The following PRICKLE3 variants were observed in gnomAD, a reference collection of about 807,000 sequenced individuals.
The protein encoded by PRICKLE3 is LIM domain only protein 6.
PRICKLE3 carries 17 observed loss-of-function variants against 33.8 expected under a neutral mutation model. The observed-to-expected ratio is 0.50, with a 90% CI of 0.34 to 0.75. The LOEUF is 0.75. PRICKLE3 is among the 30% of genes least tolerant of loss of function. The pLI is 0.01. For synonymous variants in PRICKLE3, 211 were observed against 219.6 expected, an observed-to-expected ratio of 0.96 and a Z score of 0.34; for missense variants, 573 against 576.7, an observed-to-expected ratio of 0.99 and a Z score of 0.07.
chrX:49,176,908 G>T lies in PRICKLE3; in HGVS notation c.1250C>A (p.Ala417Glu). 8.4e-7 allele frequency: 1 copy of T among 1,193,485 alleles called. No individual in the cohort carries two copies. Among genetic ancestry groups the T allele is most frequent in the Non-Finnish European group, 1.1e-6 (1 of 886,912 alleles). Residue 417 changes from alanine to glutamate, a missense_variant, in exon 8 of 9, where the codon GCG becomes GAG. Physicochemically the swap from Ala to Glu is moderately radical, Grantham distance 107 (BLOSUM62 -1). Transcript: ENST00000599218. ...TGGCTAGAGGGTTAGCTCACCTGGC[G>T]CTAACTCTGTGCTGGTGCCTTTGGT... Reference protein sequence around the residue: ...TTTKGTSTELAPATGPEEPSR... With the variant: ...TTTKGTSTELEPATGPEEPSR...
Position 49,176,058 on chromosome X carries a change from C to T in PRICKLE3, c.1463G>A (p.Arg488Gln), listed in dbSNP as rs1557099914. 3.3e-6 allele frequency: 4 copies of T among 1,206,197 alleles called. No homozygotes were observed. Among genetic ancestry groups the T allele is most frequent in the Admixed American group, 2.2e-5 (1 of 45,449 alleles). The change falls in exon 9 of 9, where the codon CGG (arginine) becomes CAG (glutamine). Residue 488 changes from arginine (R) to glutamine (Q), a missense_variant. Transcript: ENST00000599218. ...DPLVSEGGPRRTLSAPPAQRR... is the reference protein window; with the variant it reads ...DPLVSEGGPRQTLSAPPAQRR... ...CTGGGCCGGGGGTGCACTCAGGGTC[C>T]GGCGCGGGCCTCCTTCAGACACCAG...
intron 3 of PRICKLE3, among the ~76,000 whole-genome samples, chrX:49,183,418 G>T (rs2065466956): frequency 9.0e-6 from 1 of 111,593 alleles, no homozygotes; most frequent in Non-Finnish European, 1.9e-5. Flanking sequence ...AAATAGCCAG[G>T]CAGGGTGGCA....
chrX:49,175,372 T>G lies in PRICKLE3; in HGVS notation c.*301A>C, dbSNP rs2065408989. On this transcript the variant is annotated 3_prime_UTR_variant, in exon 9 of 9. Transcript: ENST00000599218. Reference sequence around the variant, plus strand: ...CCATCTCTACCAAAAAATTAAAAAATTAGCTGGGAACGCTGACACGAGCCT... The same window carrying G: ...CCATCTCTACCAAAAAATTAAAAAAGTAGCTGGGAACGCTGACACGAGCCT... 3.7e-6 allele frequency: 1 copy of G among 273,096 alleles called. No homozygotes were observed. The highest frequency in any genetic ancestry group is 6.4e-6 in the Non-Finnish European group (1 of 156,179). The allele number at this position is 273,096 out of a possible 1,213,427, so 22.5% of individuals were successfully genotyped here.
chrX:49,175,810 G>T lies in PRICKLE3; in HGVS notation c.1711C>A (p.Pro571Thr). Residue 571 changes from proline (P) to threonine (T), a missense_variant, in exon 9 of 9, where the codon CCC becomes ACC. Transcript: ENST00000599218. ...GGCATGGGCCTGCACAAATGCGGGG[G>T]CAGAGGGATGCGCTCTCCTAGGAAG... The part of the protein sequence containing the change: ...GFFLGERIPL[P>T]PHLCRPMPAQ... The T allele has an allele frequency of 2.5e-6, 3 of 1,212,132 alleles. No homozygotes were observed. The highest frequency in any genetic ancestry group is 3.4e-6 in the Non-Finnish European group (3 of 895,482).
At position 49,177,198 on chromosome X, in the gene PRICKLE3, C is replaced by T; in HGVS notation, c.960G>A (p.Leu320=). The change falls in exon 8 of 9, where the codon CTG becomes CTA. Residue 320 remains leucine (L), a synonymous_variant. Coordinates refer to ENST00000599218, the MANE Select transcript of PRICKLE3 (RefSeq NM_006150.5). ...YCDGCGEHIG[L]DQGQMAYEGQ... is the part of the protein sequence containing the mutation. ...CCTCGTAAGCCATCTGGCCTTGGTCCAGGCCTGTGGGGAACGACGAGGGGG... is the reference window on the plus strand; with the variant it reads ...CCTCGTAAGCCATCTGGCCTTGGTCTAGGCCTGTGGGGAACGACGAGGGGG... The T allele has an allele frequency of 8.6e-7, 1 of 1,163,741 alleles. No homozygotes were observed. The highest frequency in any genetic ancestry group is 2.0e-5 in the South Asian group (1 of 50,998).
At position 49,177,023 on chromosome X, in the gene PRICKLE3, G is replaced by C; in HGVS notation, c.1135C>G (p.Arg379Gly). 8.3e-7 allele frequency: 1 copy of C among 1,209,775 alleles called. No individual in the cohort carries two copies. The highest frequency in any genetic ancestry group is 1.1e-6 in the Non-Finnish European group (1 of 894,373). Residue 379 changes from arginine to glycine, a missense_variant, in exon 8 of 9, where the codon CGC becomes GGC. Physicochemically the swap from Arg to Gly is moderately radical, Grantham distance 125 (BLOSUM62 -2). Coordinates refer to ENST00000599218, the MANE Select transcript of PRICKLE3 (RefSeq NM_006150.5). ...ACAGGGCCGGCACTCCAGCTGCGGC[G>C]GCTCGGCCCTGGAGCTGTGGGCTCG... ...GSEPTAPGPS[R>G]RSWSAGPVTA...
At chrX:49,182,741 T>A (rs1557101337) in intron 3 of PRICKLE3, among the ~76,000 whole-genome samples, 1 of 111,866 alleles carries the variant, frequency 8.9e-6, no homozygotes, top group East Asian at 2.8e-4. Flanking sequence ...TTTAATTCCA[T>A]AGCCCTTACA....
Position 49,178,002 on chromosome X carries a change from C to T in PRICKLE3, c.946G>A (p.Glu316Lys). The T allele has an allele frequency of 8.7e-7, 1 of 1,145,961 alleles. No individual in the cohort carries two copies. Among genetic ancestry groups the T allele is most frequent in the Non-Finnish European group, 1.2e-6 (1 of 863,188 alleles). 94.4% of individuals were successfully genotyped at this position (1,145,961 alleles called of 1,213,427 possible). ...CACAGCATTCACCCACCGATGTGCTCCCCACAGCCATCACAGTACTCCGCG... is the reference window on the plus strand; with the variant it reads ...CACAGCATTCACCCACCGATGTGCTTCCCACAGCCATCACAGTACTCCGCG... ...RHAEYCDGCG[E>K]HIGLDQGQMA... is the part of the protein sequence containing the mutation. The change falls in exon 7 of 9, where the codon GAG (glutamate) becomes AAG (lysine). Residue 316 changes from glutamate (E) to lysine (K), a missense_variant. By Grantham distance (56) the Glu-to-Lys change is moderately conservative. Coordinates refer to ENST00000599218, the MANE Select transcript of PRICKLE3 (RefSeq NM_006150.5).
Position 49,179,240 on chromosome X carries a change from C to T in PRICKLE3, c.564+11G>A, listed in dbSNP as rs782091668. On this transcript the variant is annotated intron_variant, in intron 5 of 8. Coordinates refer to ENST00000599218, the MANE Select transcript of PRICKLE3 (RefSeq NM_006150.5). ...GGCACTGCTCACTCGCTGAGGCCCT[C>T]CACGGCTCACCTCCTCACAGATGGC... The T allele has an allele frequency of 8.3e-7, 1 of 1,209,256 alleles. No homozygotes were observed. Among genetic ancestry groups the T allele is most frequent in the East Asian group, 3.0e-5 (1 of 33,781 alleles).
At position 49,175,522 on chromosome X, in the gene PRICKLE3, AAAACAG is replaced by A; in HGVS notation, c.*145_*150del. The A allele has an allele frequency of 1.8e-6, 1 of 560,947 alleles. No homozygotes were observed. Among genetic ancestry groups the A allele is most frequent in the Non-Finnish European group, 2.8e-6 (1 of 361,636 alleles). 46.2% of individuals were successfully genotyped at this position (560,947 alleles called of 1,213,427 possible). On this transcript the variant is annotated 3_prime_UTR_variant, in exon 9 of 9. Coordinates refer to ENST00000599218, the MANE Select transcript of PRICKLE3 (RefSeq NM_006150.5). ...GGGCAATAGGGTAGACCAAGTCTCTAAAACAGAAACAAAAATAGAAACAAACTGATA... is the reference window on the plus strand; with the variant it reads ...GGGCAATAGGGTAGACCAAGTCTCTAAAACAAAAATAGAAACAAACTGATA...
At chrX:49,176,371 A>G in intron 8 of PRICKLE3, 106 bp from the exon 9 acceptor site, 1 of 592,012 alleles carries the variant, frequency 1.7e-6, no homozygotes, top group East Asian at 3.8e-5. Context: ...AGACTGGGAA[A>G]GTGGGGGCAG....
chrX:49,179,315 TCCCGCTTC>T lies in PRICKLE3; in HGVS notation c.492_499del (p.Lys165GlufsTer20). ...GCGCACGATGCCACGCCCCAGATTCTCCCGCTTCCGCTGCTGGCTAAAGGCTCGGAGCT... is the reference window on the plus strand; with the variant it reads ...GCGCACGATGCCACGCCCCAGATTCTCGCTGCTGGCTAAAGGCTCGGAGCT... On this transcript the variant is annotated frameshift_variant, in exon 5 of 9. Coordinates refer to ENST00000599218, the MANE Select transcript of PRICKLE3 (RefSeq NM_006150.5). LOFTEE classifies it high-confidence loss of function. 8.3e-7 allele frequency: 1 copy of T among 1,211,050 alleles called. No homozygotes were observed. The highest frequency in any genetic ancestry group is 1.1e-6 in the Non-Finnish European group (1 of 895,207).
intron 1 of PRICKLE3, among the ~76,000 whole-genome samples, chrX:49,185,436 A>T (rs2065478120): frequency 9.0e-6 from 1 of 111,710 alleles, no homozygotes; most frequent in African/African-American, 3.3e-5. Context: ...ACTCCAAAGG[A>T]AGTGAAAGAA....
intron 3 of PRICKLE3, among the ~76,000 whole-genome samples, chrX:49,182,720 C>A (rs782667881): frequency 1.1e-4 from 12 of 112,141 alleles, no homozygotes; most frequent in Non-Finnish European, 1.1e-4. Context: ...TTCACCCCAC[C>A]TTCCTTGCTT....
Position 49,175,631 on chromosome X carries a change from A to G in PRICKLE3, c.*42T>C. 8.8e-7 allele frequency: 1 copy of G among 1,132,286 alleles called. No homozygotes were observed. The highest frequency in any genetic ancestry group is 1.2e-6 in the Non-Finnish European group (1 of 834,049). 93.3% of individuals were successfully genotyped at this position (1,132,286 alleles called of 1,213,427 possible). ...GTGAGGGGCATGGGCCTCATCATCT[A>G]CTCTGACTGGAGAATGGAGCCCCCT... On this transcript the variant is annotated 3_prime_UTR_variant, in exon 9 of 9. Transcript: ENST00000599218.
At chrX:49,182,751 A>G (rs1415200016) in intron 3 of PRICKLE3, among the ~76,000 whole-genome samples, 1 of 107,928 alleles carries the variant, frequency 9.3e-6, no homozygotes, top group East Asian at 2.9e-4. Flanking sequence ...TAGCCCTTAC[A>G]CCATCTGACA....
chrX:49,182,085 T>C (rs1381157490), intron 3 of PRICKLE3, among the ~76,000 whole-genome samples: 1 of 109,607 alleles, frequency 9.1e-6, no homozygotes, highest in Non-Finnish European at 1.9e-5. Flanking sequence ...TAGCTGGGAT[T>C]ACAGACATTT....
At chrX:49,178,879 G>C (rs782507780) in intron 5 of PRICKLE3, among the ~76,000 whole-genome samples, 1 of 111,901 alleles carries the variant, frequency 8.9e-6, no homozygotes, top group South Asian at 3.8e-4. Context: ...GGGCCCTGCA[G>C]ACAGGCCCTG....
intron 2 of PRICKLE3, 38 bp downstream of exon 2, chrX:49,184,587 C>T (rs1557101618): frequency 4.7e-6 from 5 of 1,063,923 alleles, no homozygotes; most frequent in Middle Eastern, 2.6e-4. Context: ...GAAGGCGGAG[C>T]TCTGACAAAG....
Sources: allele counts gnomAD v4.1 joint callset (sites outside exome capture counted in the v4.1 genomes callset), GRCh38; gene constraint gnomAD v4.1.1; transcripts MANE v1.5; gene names NCBI Gene and HGNC (gene_info 2026-07-23, HGNC 2026-07-21).